The following TTC7A variants were observed in gnomAD, a reference collection of about 807,000 sequenced individuals.
TTC7A encodes the protein tetratricopeptide repeat domain 7A, also known as tetratricopeptide repeat protein 7A.
In TTC7A, 110 loss-of-function variants were observed where a neutral mutation model predicts 103.7. The ratio of observed to expected loss-of-function variants is 1.06; its 90% CI spans 0.91 to 1.24. The LOEUF is 1.24. Among genes scored for constraint, TTC7A ranks in the 50% most tolerant of loss-of-function variants. The pLI is 0.00. For synonymous variants in TTC7A, 521 were observed against 467.9 expected, an observed-to-expected ratio of 1.11 and a Z score of -1.47; for missense variants, 1,340 against 1,116.3, an observed-to-expected ratio of 1.20 and a Z score of -2.86.
At chr2:46,999,546 A>C in intron 8 of TTC7A, 1 of 985,454 alleles carries the variant, frequency 1.0e-6, no homozygotes, top group Non-Finnish European at 1.2e-6. Flanking sequence ...CAGTTCAATC[A>C]TAGTTCCTGT....
chr2:47,046,684 C>G (rs1261795839), intron 16 of TTC7A: 1 of 496,800 alleles, frequency 2.0e-6, no homozygotes, highest in Non-Finnish European at 3.6e-6. Flanking sequence ...AGAAATCATT[C>G]TTGAGCACTG....
At chr2:47,058,750 C>G (rs572468780) in intron 18 of TTC7A, among the ~76,000 whole-genome samples, 5 of 152,176 alleles carry the variant, frequency 3.3e-5, no homozygotes, top group Admixed American at 6.5e-5. Context: ...GCCGAAGAGC[C>G]GCGTCTCCTA....
intron 12 of TTC7A, 70 bp from the exon 13 acceptor site, chr2:47,023,338 G>A (rs542305241): frequency 1.3e-6 from 2 of 1,521,410 alleles, no homozygotes; most frequent in South Asian, 1.1e-5. Flanking sequence ...GTGCTTTGAG[G>A]ATGGTGCAGG....
intron 19 of TTC7A, chr2:47,071,208 A>G (rs1042653558): frequency 6.6e-6 from 1 of 152,282 alleles, no homozygotes; most frequent in Non-Finnish European, 1.5e-5. Flanking sequence ...GCTACCAAAC[A>G]TGAACTCGGC....
intron 11 of TTC7A, among the ~76,000 whole-genome samples, chr2:47,017,245 T>A (rs1678766826): frequency 7.4e-6 from 1 of 135,158 alleles, no homozygotes; most frequent in Non-Finnish European, 1.6e-5. Flanking sequence ...ACTGGGGTGG[T>A]AGGTCATGCC....
intron 10 of TTC7A, among the ~76,000 whole-genome samples, chr2:47,009,906 TGG>T (rs1677851979): frequency 2.9e-5 from 1 of 34,120 alleles, no homozygotes; most frequent in African/African-American, 9.7e-5. Flanking sequence ...TTTTTTTTGG[TGG>T]TGGGGGGGAC....
At chr2:47,062,620 C>T (rs1231403592) in intron 19 of TTC7A, among the ~76,000 whole-genome samples, 1 of 152,232 alleles carries the variant, frequency 6.6e-6, no homozygotes, top group Non-Finnish European at 1.5e-5. Context: ...TGTCTGCCTT[C>T]CACTGTGTTC....
At chr2:47,009,822 C>G (rs1016060501) in intron 10 of TTC7A, among the ~76,000 whole-genome samples, 6 of 145,672 alleles carry the variant, frequency 4.1e-5, no homozygotes, top group African/African-American at 1.5e-4. Context: ...CAGGGGTGTA[C>G]ACACTGGGAG....
intron 3 of TTC7A, among the ~76,000 whole-genome samples, chr2:46,961,342 C>T (rs981823504): frequency 4.6e-5 from 7 of 152,082 alleles, no homozygotes; most frequent in African/African-American, 9.7e-5. Context: ...ATTGGGAGGC[C>T]GAGGTGGGCA....
At chr2:46,927,998 A>T (rs1347812242) in intron 2 of TTC7A, among the ~76,000 whole-genome samples, 3 of 140,800 alleles carry the variant, frequency 2.1e-5, no homozygotes, top group African/African-American at 8.1e-5. Context: ...GGCTCAAGTG[A>T]TCCTCCCACC....
chr2:47,072,280 C>T (rs1234078388), intron 19 of TTC7A, among the ~76,000 whole-genome samples: 1 of 152,186 alleles, frequency 6.6e-6, no homozygotes, highest in South Asian at 2.1e-4. Flanking sequence ...ACGCCTCATC[C>T]GTGTGTGTGG....
intron 15 of TTC7A, among the ~76,000 whole-genome samples, chr2:47,037,196 G>T (rs977063378): frequency 1.2e-4 from 13 of 107,806 alleles, no homozygotes; most frequent in African/African-American, 3.7e-4. Flanking sequence ...TTCTGTTCTT[G>T]TTGTGTTTCC....
intron 17 of TTC7A, among the ~76,000 whole-genome samples, chr2:47,051,180 G>A (rs1682826403): frequency 6.6e-6 from 1 of 152,134 alleles, no homozygotes; most frequent in African/African-American, 2.4e-5. Context: ...AAATAGCCAA[G>A]GGAAGAAAAG....
intron 12 of TTC7A, among the ~76,000 whole-genome samples, chr2:47,022,434 G>A (rs536811197): frequency 6.6e-6 from 1 of 152,312 alleles, no homozygotes; most frequent in Non-Finnish European, 1.5e-5. Context: ...ATAGGGCTGG[G>A]TACGCAGCAG....
At chr2:47,024,411 T>C in intron 14 of TTC7A, 52 bp downstream of exon 14, 1 of 1,521,370 alleles carries the variant, frequency 6.6e-7, no homozygotes, top group Non-Finnish European at 8.9e-7. Context: ...GCTGATCTTC[T>C]CCTGGAAACC....
chr2:46,974,815 C>T (rs1193476002), intron 3 of TTC7A, 158 bp from the exon 4 acceptor site: 2 of 975,136 alleles, frequency 2.1e-6, no homozygotes, highest in Non-Finnish European at 3.1e-6. Context: ...ACACCACCGT[C>T]GCTTCAGCTT....
At chr2:46,943,298 G>C (rs890382873) in intron 1 of TTC7A, among the ~76,000 whole-genome samples, 1 of 152,194 alleles carries the variant, frequency 6.6e-6, no homozygotes, top group African/African-American at 2.4e-5. Flanking sequence ...GGCCCAGAGA[G>C]GTCATATAAT....
Position 46,941,909 on chromosome 2 carries a change from T to C in TTC7A, c.184+184T>C. On this transcript the variant is annotated intron_variant, in intron 1 of 19. Coordinates refer to ENST00000319190, the MANE Select transcript of TTC7A (RefSeq NM_020458.4). The surrounding 1 kb of genome is among the most constrained non-coding windows in gnomAD (Gnocchi z 4.2). ...CCGCGAGAGAAAAATCACATGTGGT[T>C]TGGGGGCTTGGAGGGAAGAGAAACG... 5.4e-6 allele frequency: 4 copies of C among 737,066 alleles called. No individual in the cohort carries two copies. In the South Asian group the frequency reaches 5.6e-5, roughly 10 times the overall value. The allele number at this position is 737,066 out of a possible 1,614,324, so 45.7% of individuals were successfully genotyped here. A position where few individuals can be genotyped will look rare whatever the true frequency, so the allele number is the denominator to read the frequency against.
chr2:46,955,682 C>T (rs1042935466), intron 2 of TTC7A, among the ~76,000 whole-genome samples: 3 of 152,292 alleles, frequency 2.0e-5, no homozygotes, highest in African/African-American at 4.8e-5. Flanking sequence ...GTCTGTGCCA[C>T]GCTTCATTTC....
Sources: gnomAD v4.1 joint callset for allele counts (sites outside exome capture counted in the v4.1 genomes callset) on GRCh38, gnomAD v4.1.1 for gene constraint, Gnocchi (gnomAD v3.1) non-coding constraint, MANE v1.5 for transcripts, NCBI Gene and HGNC (gene_info 2026-07-23, HGNC 2026-07-21) for gene names.